Variants in CCSER1 observed in about 807,000 individuals in gnomAD.
CCSER1 encodes coiled-coil serine rich protein 1, also known as serine-rich coiled-coil domain-containing protein 1.
A neutral mutation model predicts 82.0 loss-of-function variants in CCSER1; 41 were observed. The ratio of observed to expected loss-of-function variants is 0.50; its 90% CI spans 0.39 to 0.65. CCSER1 has a LOEUF of 0.65. Among genes scored for constraint, CCSER1 ranks in the 30% least tolerant of loss-of-function variants. The pLI is 0.00. For synonymous variants in CCSER1, 414 were observed against 383.9 expected, an observed-to-expected ratio of 1.08 and a Z score of -0.92; for missense variants, 1,119 against 1,064.2, an observed-to-expected ratio of 1.05 and a Z score of -0.72.
intron 3 of CCSER1, among the ~76,000 whole-genome samples, chr4:90,348,134 A>C (rs1411122970): frequency 6.6e-6 from 1 of 152,126 alleles, no homozygotes; most frequent in Non-Finnish European, 1.5e-5. Context: ...GGGTGGGAGG[A>C]GGGAGAAGAT....
At chr4:91,169,090 A>C (rs1429451907) in intron 10 of CCSER1, among the ~76,000 whole-genome samples, 1 of 151,754 alleles carries the variant, frequency 6.6e-6, no homozygotes, top group African/African-American at 2.4e-5. Context: ...TGCCTAGGAA[A>C]ACCAGAGACC....
intron 1 of CCSER1, among the ~76,000 whole-genome samples, chr4:90,230,124 A>G (rs1333325903): frequency 2.6e-5 from 4 of 152,184 alleles, no homozygotes; most frequent in African/African-American, 9.7e-5. Flanking sequence ...AGCGGACCTA[A>G]TAGACATCTA....
chr4:91,004,265 A>G (rs1309282122), intron 9 of CCSER1, among the ~76,000 whole-genome samples: 1 of 152,018 alleles, frequency 6.6e-6, no homozygotes, highest in African/African-American at 2.4e-5. Flanking sequence ...CCTTTTCCCA[A>G]GTCTCATCTT....
intron 10 of CCSER1, among the ~76,000 whole-genome samples, chr4:91,116,059 A>G (rs1448359807): frequency 6.6e-6 from 1 of 151,510 alleles, no homozygotes; most frequent in East Asian, 1.9e-4. Flanking sequence ...CCTGTGTCCA[A>G]GTGTTCTCAT....
At chr4:91,191,275 T>A (rs1400413835) in intron 10 of CCSER1, among the ~76,000 whole-genome samples, 1 of 152,186 alleles carries the variant, frequency 6.6e-6, no homozygotes, top group African/African-American at 2.4e-5. Context: ...CTATTTCTGT[T>A]GTATCTTCAA....
chr4:91,400,394 T>C (rs573685445), intron 10 of CCSER1, among the ~76,000 whole-genome samples: 1 of 151,842 alleles, frequency 6.6e-6, no homozygotes, highest in African/African-American at 2.4e-5. Flanking sequence ...TACATAAGTA[T>C]CTTTCAAAAA....
At chr4:90,285,751 AT>A (rs1346604714) in intron 1 of CCSER1, among the ~76,000 whole-genome samples, 1 of 151,956 alleles carries the variant, frequency 6.6e-6, no homozygotes, top group East Asian at 1.9e-4. Context: ...GTTTTTTCCC[AT>A]TTAATACATA....
intron 10 of CCSER1, among the ~76,000 whole-genome samples, chr4:91,194,154 G>A (rs1005151319): frequency 6.6e-6 from 1 of 152,034 alleles, no homozygotes; most frequent in Non-Finnish European, 1.5e-5. Flanking sequence ...ATTTTTAGTA[G>A]AGACGGAGTT....
intron 6 of CCSER1, among the ~76,000 whole-genome samples, chr4:90,666,408 T>C (rs1731797584): frequency 6.6e-6 from 1 of 152,150 alleles, no homozygotes. Context: ...AAGAGGTCAG[T>C]GAACTGAGTG....
chr4:91,233,080 T>G lies in CCSER1; in HGVS notation c.2217+147086T>G, dbSNP rs529530331. On this transcript the variant is annotated intron_variant, in intron 10 of 10. Coordinates refer to ENST00000509176, the MANE Select transcript of CCSER1 (RefSeq NM_001145065.2). ...TGGTTACTTTATATGCTTCTCTGTT[T>G]GGAGTTTTAAAAAATGGGCCTTATT... Among the ~76,000 whole-genome samples the G allele has an allele frequency of 4.6e-5, 7 of 151,808 alleles. No individual in the cohort carries two copies. The South Asian group carries it at 1.4e-3, about 31-fold the overall frequency.
At chr4:91,353,618 C>G (rs1748628128) in intron 10 of CCSER1, among the ~76,000 whole-genome samples, 1 of 152,122 alleles carries the variant, frequency 6.6e-6, no homozygotes, top group African/African-American at 2.4e-5. Flanking sequence ...TTGAGACTCT[C>G]ACTTTTTATT....
Position 90,295,509 on chromosome 4 carries a change from G to C in CCSER1, c.-41-12735G>C, listed in dbSNP as rs189513633. ...TCTTTGTGTTTTCTGTTTCTTACTG[G>C]CTCATAGGAGTTCTTTCTATTTCCC... On this transcript the variant is annotated intron_variant, in intron 1 of 10. Transcript: ENST00000509176. 1.2e-3 allele frequency among the ~76,000 whole-genome samples: 178 copies of C among 151,096 alleles called. 1 individual carries two copies. Among genetic ancestry groups the C allele is most frequent in the African/African-American group, 4.0e-3 (164 of 40,770 alleles).
intron 8 of CCSER1, among the ~76,000 whole-genome samples, chr4:90,908,584 C>T (rs150462985): frequency 2.0e-5 from 3 of 152,060 alleles, no homozygotes; most frequent in East Asian, 3.9e-4. Flanking sequence ...TATCCAAAAT[C>T]GTATGATTTT....
chr4:91,035,878 A>G (rs779901790), intron 9 of CCSER1, among the ~76,000 whole-genome samples: 1 of 152,170 alleles, frequency 6.6e-6, no homozygotes, highest in African/African-American at 2.4e-5. Context: ...TAATAATAAA[A>G]ACATTTCAGA....
chr4:90,327,338 C>T (rs1473654151), intron 3 of CCSER1, among the ~76,000 whole-genome samples: 2 of 152,118 alleles, frequency 1.3e-5, no homozygotes, highest in African/African-American at 4.8e-5. Context: ...AAAATTCTAC[C>T]ACTTGTCCCC....
At chr4:91,126,332 C>T (rs1561568726) in intron 10 of CCSER1, among the ~76,000 whole-genome samples, 1 of 151,832 alleles carries the variant, frequency 6.6e-6, no homozygotes, top group Non-Finnish European at 1.5e-5. Context: ...ACAAGGCAAA[C>T]TTAATGACTG....
intron 5 of CCSER1, among the ~76,000 whole-genome samples, chr4:90,509,347 G>C (rs575665932): frequency 6.6e-6 from 1 of 152,158 alleles, no homozygotes; most frequent in South Asian, 2.1e-4. Context: ...CACCTGGGAA[G>C]TGTAATAAAA....
intron 9 of CCSER1, among the ~76,000 whole-genome samples, chr4:90,929,214 T>C (rs1729428189): frequency 6.6e-6 from 1 of 152,106 alleles, no homozygotes; most frequent in South Asian, 2.1e-4. Context: ...TAGAAAGCAC[T>C]CAATGATTAC....
rs138889458 is a variant in CCSER1 at position 90,733,905 on chromosome 4, C to A, written c.2010+9914C>A. On this transcript the variant is annotated intron_variant, in intron 7 of 10. Transcript: ENST00000509176. ...TGTGTGTCTGTTTTTATGCTAGTAC[C>A]CTGCTGTCTTGTGTACTATAGCTCT... Among the ~76,000 whole-genome samples the A allele has an allele frequency of 2.7e-3, 406 of 151,984 alleles. 2 individuals carry two copies. Among genetic ancestry groups the A allele is most frequent in the African/African-American group, 9.3e-3 (387 of 41,468 alleles).
Sources: allele counts gnomAD v4.1 joint callset (sites outside exome capture counted in the v4.1 genomes callset), GRCh38; gene constraint gnomAD v4.1.1; transcripts MANE v1.5; gene names NCBI Gene and HGNC (gene_info 2026-07-23, HGNC 2026-07-21).